The following AFG2A variants were observed in gnomAD, a reference collection of about 807,000 sequenced individuals.
AFG2A encodes ATPase family gene 2 protein homolog A.
chr4:123,177,058 C>T, the AFG2A span, among the ~76,000 whole-genome samples: 1 of 152,088 alleles, frequency 6.6e-6, no homozygotes, highest in East Asian at 1.9e-4. Flanking sequence ...TACAAAAGCC[C>T]TCATATTAGC....
At chr4:123,159,888 C>T in the AFG2A span, among the ~76,000 whole-genome samples, 4 of 152,108 alleles carry the variant, frequency 2.6e-5, no homozygotes, top group Non-Finnish European at 5.9e-5. Flanking sequence ...GATTAAATGC[C>T]AGCCAAAAGC....
chr4:123,035,292 A>G, the AFG2A span, among the ~76,000 whole-genome samples: 9 of 151,876 alleles, frequency 5.9e-5, no homozygotes, highest in Admixed American at 3.9e-4. Flanking sequence ...TTCTCCTTCT[A>G]TAGGTTTATT....
chr4:122,993,284 C>T, the AFG2A span, among the ~76,000 whole-genome samples: 251 of 152,102 alleles, frequency 1.7e-3, no homozygotes, highest in Non-Finnish European at 2.9e-3. Flanking sequence ...TGAACCACAG[C>T]ACCTAGCCGT....
At chr4:123,109,088 A>G in the AFG2A span, among the ~76,000 whole-genome samples, 1 of 152,168 alleles carries the variant, frequency 6.6e-6, no homozygotes, top group Non-Finnish European at 1.5e-5. Context: ...GACAGAGGGG[A>G]AAAAGAGAAA....
At chr4:123,139,281 C>T in the AFG2A span, among the ~76,000 whole-genome samples, 1 of 152,176 alleles carries the variant, frequency 6.6e-6, no homozygotes, top group South Asian at 2.1e-4. Context: ...AACTGGTACT[C>T]AAAGGTCATT....
the AFG2A span, among the ~76,000 whole-genome samples, chr4:122,955,016 A>G: frequency 4.0e-5 from 6 of 150,306 alleles, no homozygotes; most frequent in South Asian, 4.3e-4. Flanking sequence ...ATTTTTCTCC[A>G]CCTTCCTGCT....
chr4:122,955,099 G>A, the AFG2A span, among the ~76,000 whole-genome samples: 1 of 152,272 alleles, frequency 6.6e-6, no homozygotes, highest in South Asian at 2.1e-4. Flanking sequence ...AGGCAAAAGA[G>A]ACCTGGAGCT....
chr4:123,311,582 A>T, the AFG2A span, among the ~76,000 whole-genome samples: 1 of 140,550 alleles, frequency 7.1e-6, no homozygotes, highest in Non-Finnish European at 1.5e-5. Context: ...AGCCGAGATT[A>T]CGCCACTGCA....
At chr4:123,083,807 T>C in the AFG2A span, among the ~76,000 whole-genome samples, 1 of 152,130 alleles carries the variant, frequency 6.6e-6, no homozygotes, top group African/African-American at 2.4e-5. Context: ...CGTTTGGTTT[T>C]GGTATTCGTC....
the AFG2A span, among the ~76,000 whole-genome samples, chr4:123,222,278 T>C: frequency 4.6e-5 from 7 of 152,184 alleles, no homozygotes; most frequent in Admixed American, 4.6e-4. Flanking sequence ...CTTTCTTGTG[T>C]GTCTGTTATT....
chr4:123,090,977 C>T, the AFG2A span, among the ~76,000 whole-genome samples: 1 of 152,232 alleles, frequency 6.6e-6, no homozygotes, highest in Non-Finnish European at 1.5e-5. Context: ...AAGCTAGTCT[C>T]TCAAGGTTCA....
At chr4:123,240,660 A>T in the AFG2A span, among the ~76,000 whole-genome samples, 3 of 152,214 alleles carry the variant, frequency 2.0e-5, no homozygotes, top group African/African-American at 7.2e-5. Flanking sequence ...TATAGCACTA[A>T]ATGCCCACAA....
chr4:123,223,529 A>G, the AFG2A span, among the ~76,000 whole-genome samples: 66 of 152,328 alleles, frequency 4.3e-4, no homozygotes, highest in African/African-American at 1.6e-3. Context: ...CAATCATGGC[A>G]GAAGGCAAAG....
chr4:123,181,811 G>A, the AFG2A span, among the ~76,000 whole-genome samples: 5 of 152,242 alleles, frequency 3.3e-5, no homozygotes, highest in African/African-American at 1.2e-4. Context: ...AGATAATCTA[G>A]TAGTCACTTC....
the AFG2A span, among the ~76,000 whole-genome samples, chr4:122,984,395 G>A: frequency 2.0e-5 from 3 of 152,052 alleles, no homozygotes; most frequent in Non-Finnish European, 2.9e-5. Flanking sequence ...TGATCATATC[G>A]TCAGCAGTGA....
the AFG2A span, among the ~76,000 whole-genome samples, chr4:122,948,876 T>C: frequency 6.6e-6 from 1 of 152,210 alleles, no homozygotes; most frequent in Admixed American, 6.5e-5. Context: ...TCTTATGCCT[T>C]TCTGTCATGA....
chr4:123,066,118 A>T, the AFG2A span, among the ~76,000 whole-genome samples: 28 of 152,290 alleles, frequency 1.8e-4, no homozygotes, highest in Middle Eastern at 3.4e-3. Context: ...GGAAAAAAAT[A>T]AAAAAGTTCT....
the AFG2A span, among the ~76,000 whole-genome samples, chr4:122,952,848 C>T: frequency 1.3e-5 from 2 of 152,254 alleles, no homozygotes; most frequent in East Asian, 3.9e-4. Context: ...AAATCAGTAA[C>T]AGAGTGGTAG....
At chr4:122,964,360 C>T in the AFG2A span, among the ~76,000 whole-genome samples, 2 of 151,760 alleles carry the variant, frequency 1.3e-5, no homozygotes, top group Non-Finnish European at 2.9e-5. Flanking sequence ...AAAAATTAGC[C>T]GGGTGTGGTG....
Sources: gnomAD v4.1 joint callset for allele counts (sites outside exome capture counted in the v4.1 genomes callset) on GRCh38, gnomAD v4.1.1 for gene constraint, MANE v1.5 for transcripts, NCBI Gene and HGNC (gene_info 2026-07-23, HGNC 2026-07-21) for gene names.